GALNT18: variants seen among roughly 807,000 people sequenced by gnomAD.
GALNT18 encodes GalNAc-transferase 18.
A neutral mutation model predicts 69.5 loss-of-function variants in GALNT18; 44 were observed. The ratio of observed to expected loss-of-function variants is 0.63; its 90% confidence interval spans 0.50 to 0.81. The LOEUF is 0.81. GALNT18 is among the 40% of genes least tolerant of loss of function. The pLI, the probability that GALNT18 is intolerant of heterozygous loss-of-function variation, is 0.00. For synonymous variants in GALNT18, 364 were observed against 318.2 expected (o/e 1.14, Z -1.53); for missense variants, 715 against 810.0 (o/e 0.88, Z 1.42).
chr11:11,609,351 C>A (rs1442401421), intron 1 of GALNT18, among the ~76,000 whole-genome samples: 1 of 152,228 alleles, frequency 6.6e-6, no homozygotes. Flanking sequence ...CAGGCACACT[C>A]CTGCCACAGG....
At chr11:11,303,404 C>T (rs1849529593) in intron 9 of GALNT18, among the ~76,000 whole-genome samples, 2 of 152,170 alleles carry the variant, frequency 1.3e-5, no homozygotes, top group South Asian at 4.1e-4. Flanking sequence ...CACTGCCTTA[C>T]TAATGCTTCT....
chr11:11,433,490 C>T (rs1855323086), intron 2 of GALNT18, among the ~76,000 whole-genome samples: 1 of 152,198 alleles, frequency 6.6e-6, no homozygotes. Context: ...AACTCTGGTC[C>T]TCTGACACCT....
At chr11:11,593,104 G>A (rs1381287654) in intron 1 of GALNT18, among the ~76,000 whole-genome samples, 2 of 152,052 alleles carry the variant, frequency 1.3e-5, no homozygotes, top group African/African-American at 4.8e-5. Context: ...TAGTGGAGAC[G>A]GGGTTTCACC....
At chr11:11,565,650 AT>A (rs1858630488) in intron 1 of GALNT18, among the ~76,000 whole-genome samples, 1 of 152,230 alleles carries the variant, frequency 6.6e-6, no homozygotes, top group Non-Finnish European at 1.5e-5. Context: ...AGGACCTTAT[AT>A]TAGGCACCAA....
In GALNT18 at chr11:11,297,307, C is replaced by A. The variant is rs544067380; in HGVS notation, c.1513-4114G>T. Reference sequence around the variant, plus strand: ...ACTGTGCCAGACATGAAATGACTTACATGCTTTATCTTGTTTAATCTTAGC... The same window carrying A: ...ACTGTGCCAGACATGAAATGACTTAAATGCTTTATCTTGTTTAATCTTAGC... On this transcript the variant is annotated intron_variant, in intron 9 of 10. Coordinates refer to ENST00000227756, the MANE Select transcript of GALNT18 (RefSeq NM_198516.3). 2.0e-3 allele frequency among the ~76,000 whole-genome samples: 308 copies of A among 152,302 alleles called. 3 individuals carry two copies. Among genetic ancestry groups the A allele is most frequent in the African/African-American group, 7.0e-3 (291 of 41,568 alleles).
In GALNT18 at chr11:11,372,996, G is replaced by A. The variant is rs1030113556; in HGVS notation, c.978-367C>T. 6.6e-6 allele frequency among the ~76,000 whole-genome samples: 1 copy of A among 152,106 alleles called. No homozygotes were observed. The highest frequency in any genetic ancestry group is 1.5e-5 in the Non-Finnish European group (1 of 68,036). On this transcript the variant is annotated intron_variant, in intron 5 of 10. Transcript: ENST00000227756. The surrounding 1 kb of genome is among the most constrained non-coding windows in gnomAD (Gnocchi z 4.9). ...TGTTCCTGCTTGGGAATGCATACCA[G>A]CTTTCTTACCCTTCCCCAACTTGGA...
intron 6 of GALNT18, among the ~76,000 whole-genome samples, chr11:11,360,838 G>GA (rs1018051703): frequency 2.0e-5 from 3 of 151,350 alleles, no homozygotes; most frequent in African/African-American, 7.3e-5. Context: ...ATTGATTGGA[G>GA]AAAAAAAAGT....
rs1254991491 is a variant in GALNT18, at chr11:11,340,363, A to G, written c.1278+456T>C. Among the ~76,000 whole-genome samples the G allele has an allele frequency of 6.6e-6, 1 of 151,032 alleles. No individual in the cohort carries two copies. ...ACGTGGCTCAAGAAACCTGAAAGGC[A>G]TGTGGATCTTTATAACTCTGGTCAA... On this transcript the variant is annotated intron_variant, in intron 7 of 10. Transcript: ENST00000227756. The surrounding 1 kb of genome is among the most constrained non-coding windows in gnomAD (Gnocchi z 4.2).
intron 9 of GALNT18, among the ~76,000 whole-genome samples, chr11:11,307,573 C>T (rs944702309): frequency 1.3e-5 from 2 of 152,154 alleles, no homozygotes; most frequent in African/African-American, 4.8e-5. Flanking sequence ...CTAAAGCCCA[C>T]CTCAACCATC....
Position 11,600,204 on chromosome 11 carries a change from C to T in GALNT18, c.235+21155G>A, listed in dbSNP as rs1277959260. The stretch of plus-strand genomic sequence containing the variant: ...ACAAATACGTTGTTTTTTATAATGG[C>T]TTATATAATTACCTTTAGTGGTGCT... On this transcript the variant is annotated intron_variant, in intron 1 of 10. Coordinates refer to ENST00000227756, the MANE Select transcript of GALNT18 (RefSeq NM_198516.3). The surrounding 1 kb of genome is among the most constrained non-coding windows in gnomAD (Gnocchi z 4.8). Among the ~76,000 whole-genome samples the T allele has an allele frequency of 6.6e-6, 1 of 151,972 alleles. No individual in the cohort carries two copies. Among genetic ancestry groups the T allele is most frequent in the African/African-American group, 2.4e-5 (1 of 41,406 alleles).
At chr11:11,489,853 C>A (rs1856725423) in intron 1 of GALNT18, among the ~76,000 whole-genome samples, 2 of 152,116 alleles carry the variant, frequency 1.3e-5, no homozygotes, top group African/African-American at 4.8e-5. Context: ...TTATATTAAA[C>A]AATCTGCTGA....
intron 10 of GALNT18, among the ~76,000 whole-genome samples, chr11:11,273,226 T>G (rs1434384804): frequency 2.8e-5 from 4 of 142,248 alleles, no homozygotes; most frequent in Admixed American, 1.4e-4. Flanking sequence ...TTAAAAAGCT[T>G]CTGCACAGCA....
Position 11,413,546 on chromosome 11 carries a change from C to T in GALNT18, c.595+19075G>A, listed in dbSNP as rs113791659. ...TTATATAATTTGGTGCTTAATGCAC[C>T]GTACCACTAGCCCAGAACAATTGAA... On this transcript the variant is annotated intron_variant, in intron 3 of 10. Coordinates refer to ENST00000227756, the MANE Select transcript of GALNT18 (RefSeq NM_198516.3). The surrounding 1 kb of genome is among the most constrained non-coding windows in gnomAD (Gnocchi z 4.7). Among the ~76,000 whole-genome samples, 49 of 152,128 alleles carry T rather than the reference C, an allele frequency of 3.2e-4. No homozygotes were observed. The highest frequency in any genetic ancestry group is 2.7e-3 in the Admixed American group (41 of 15,274).
At chr11:11,322,643 C>T (rs2133040121) in intron 9 of GALNT18, among the ~76,000 whole-genome samples, 1 of 152,218 alleles carries the variant, frequency 6.6e-6, no homozygotes, top group East Asian at 1.9e-4. Flanking sequence ...ATGGGTAATA[C>T]CAAATGTTGG....
Position 11,621,333 on chromosome 11 carries a change from G to T in GALNT18, c.235+26C>A, listed in dbSNP as rs767429555. 43 of 1,601,656 alleles carry T rather than the reference G, an allele frequency of 2.7e-5. No individual in the cohort carries two copies. The Middle Eastern group carries it at 6.7e-4, about 25-fold the overall frequency. On this transcript the variant is annotated intron_variant, in intron 1 of 10. Transcript: ENST00000227756. The surrounding 1 kb of genome is among the most constrained non-coding windows in gnomAD (Gnocchi z 9.3). ...CGGGGCACTCCCGGGCCTCATGGGC[G>T]ACCCAAGTTTCCGGGGCGCCCGTAC...
Position 11,379,151 on chromosome 11 carries a change from T to C in GALNT18, c.709A>G (p.Ser237Gly), listed in dbSNP as rs1853847516. 2 of 1,611,986 alleles carry C rather than the reference T, an allele frequency of 1.2e-6. No individual in the cohort carries two copies. The highest frequency in any genetic ancestry group is 1.7e-6 in the Non-Finnish European group (2 of 1,179,988). The change falls in exon 4 of 11, where the codon AGT (serine) becomes GGT (glycine). Residue 237 changes from serine to glycine, a missense_variant. Physicochemically the swap from Ser to Gly is moderately conservative, Grantham distance 56. Transcript: ENST00000227756. The part of the protein sequence containing the change: ...KQEGLIRSRV[S>G]GWRAATAPVV... ...GGGGCAGTGGCCGCCCTCCAGCCAC[T>C]GACCCTGGAGCGGATGAGGCCTTCC... is the stretch of plus-strand genomic sequence containing the variant.
chr11:11,455,779 C>T (rs977146328), intron 1 of GALNT18, among the ~76,000 whole-genome samples: 3 of 152,132 alleles, frequency 2.0e-5, no homozygotes, highest in Admixed American at 2.0e-4. Flanking sequence ...GCATGGTAAG[C>T]ATCACAAAAA....
At position 11,479,644 on chromosome 11, in the gene GALNT18, A is replaced by G. The variant is rs545780573; in HGVS notation, c.236-30708T>C. Among the ~76,000 whole-genome samples, 27 of 152,296 alleles carry G rather than the reference A, an allele frequency of 1.8e-4. 2 individuals are homozygous for G. Among genetic ancestry groups the G allele is most frequent in the African/African-American group, 6.5e-4 (27 of 41,546 alleles). The stretch of plus-strand genomic sequence containing the variant: ...ACAATTCAAAAAATAATCTAAAAAT[A>G]ATGATTTATTTCCGTGGTTTACTGA... On this transcript the variant is annotated intron_variant, in intron 1 of 10. Coordinates refer to ENST00000227756, the MANE Select transcript of GALNT18 (RefSeq NM_198516.3).
intron 1 of GALNT18, among the ~76,000 whole-genome samples, chr11:11,528,409 G>A (rs1590074566): frequency 6.6e-6 from 1 of 152,212 alleles, no homozygotes; most frequent in East Asian, 1.9e-4. Flanking sequence ...AAGTGGGCAG[G>A]TGTAAGACAG....
Sources: gnomAD v4.1 joint callset for allele counts (sites outside exome capture counted in the v4.1 genomes callset) on GRCh38, gnomAD v4.1.1 for gene constraint, Gnocchi (gnomAD v3.1) non-coding constraint, MANE v1.5 for transcripts, NCBI Gene and HGNC (gene_info 2026-07-23, HGNC 2026-07-21) for gene names.